The following BCAN variants were observed in gnomAD, a reference collection of about 807,000 sequenced individuals.
The protein encoded by BCAN is brevican.
In BCAN, 51 loss-of-function variants were observed where a neutral mutation model predicts 92.4. The observed-to-expected ratio is 0.55, with a 90% CI of 0.44 to 0.70. The LOEUF (loss-of-function observed/expected upper bound fraction) is 0.70, where lower values mean the gene tolerates loss of function less well. Ranked by LOEUF, BCAN falls within the 30% of genes least tolerant of loss-of-function variation. BCAN has a pLI of 0.00. For synonymous variants in BCAN, 501 were observed against 505.2 expected (o/e 0.99, Z 0.11); for missense variants, 1,140 against 1,212.1 (o/e 0.94, Z 0.88).
rs759819865 is a variant in BCAN, at chr1:156,647,915, T to C, written c.642-68T>C. 3 of 1,603,774 alleles carry C rather than the reference T, an allele frequency of 1.9e-6. No individual in the cohort carries two copies. Among genetic ancestry groups the C allele is most frequent in the East Asian group, 2.2e-5 (1 of 44,706 alleles). On this transcript the variant is annotated intron_variant, in intron 4 of 13. Coordinates refer to ENST00000329117, the MANE Select transcript of BCAN (RefSeq NM_021948.5). The surrounding 1 kb of genome is among the most constrained non-coding windows in gnomAD (Gnocchi z 4.8). ...GCACTGTGGTGGCAGTGGGGTTCAA[T>C]AGAATCAATATGGGCTGGCTCCCTG... is the stretch of plus-strand genomic sequence containing the variant.
chr1:156,659,183 A>C lies in BCAN; in HGVS notation c.*49A>C. On this transcript the variant is annotated 3_prime_UTR_variant, in exon 14 of 14. Coordinates refer to ENST00000329117, the MANE Select transcript of BCAN (RefSeq NM_021948.5). ...GGCCACAGCACTGCCCTGTCACCCA[A>C]ATTTTCCCTCACACCCTGCGCTCCC... 2.1e-6 allele frequency: 3 copies of C among 1,426,908 alleles called. No individual in the cohort carries two copies. The highest frequency in any genetic ancestry group is 2.8e-6 in the Non-Finnish European group (3 of 1,059,496). The allele number at this position is 1,426,908 out of a possible 1,614,324, so 88.4% of individuals were successfully genotyped here. A position where few individuals can be genotyped will look rare whatever the true frequency, so the allele number is the denominator to read the frequency against.
In BCAN at chr1:156,659,482, T is replaced by C; in HGVS notation, c.*348T>C. ...AAGGGAATGGGCTTGCAGGATGGAGTGTCTGTAAAATCAACAGGAAATAAA... is the reference window on the plus strand; with the variant it reads ...AAGGGAATGGGCTTGCAGGATGGAGCGTCTGTAAAATCAACAGGAAATAAA... On this transcript the variant is annotated 3_prime_UTR_variant, in exon 14 of 14. Coordinates refer to ENST00000329117, the MANE Select transcript of BCAN (RefSeq NM_021948.5). The C allele has an allele frequency of 3.7e-6, 1 of 273,054 alleles. No individual in the cohort carries two copies. The highest frequency in any genetic ancestry group is 6.8e-6 in the Non-Finnish European group (1 of 147,336). The allele number at this position is 273,054 out of a possible 1,614,324, so 16.9% of individuals were successfully genotyped here. A position where few individuals can be genotyped will look rare whatever the true frequency, so the allele number is the denominator to read the frequency against.
chr1:156,656,470 A>G, intron 9 of BCAN, 81 bp downstream of exon 9: 1 of 1,152,990 alleles, frequency 8.7e-7, no homozygotes, highest in Non-Finnish European at 1.2e-6. Flanking sequence ...GAGGGAGAAC[A>G]TTGGTTTTGG....
chr1:156,656,441 G>A, intron 9 of BCAN, 52 bp downstream of exon 9: 2 of 1,273,844 alleles, frequency 1.6e-6, no homozygotes, highest in Non-Finnish European at 1.0e-6. Context: ...CTGCCACAAC[G>A]TGCTACTTCT....
chr1:156,656,638 C>T (rs1373116570), intron 9 of BCAN: 2 of 509,068 alleles, frequency 3.9e-6, no homozygotes, highest in Non-Finnish European at 7.0e-6. Flanking sequence ...GTGGTCAATA[C>T]ATGACAGGCT....
chr1:156,656,138 C>G (rs1679315492), intron 8 of BCAN, 144 bp from the exon 9 acceptor site: 1 of 451,454 alleles, frequency 2.2e-6, no homozygotes, highest in Non-Finnish European at 3.8e-6. Flanking sequence ...GAGACAGGCT[C>G]TAGGGAGAAC....
chr1:156,658,354 GA>G lies in BCAN; in HGVS notation c.2437+84del. The G allele has an allele frequency of 6.4e-7, 1 of 1,558,720 alleles. No homozygotes were observed. Among genetic ancestry groups the G allele is most frequent in the Non-Finnish European group, 8.7e-7 (1 of 1,146,814 alleles). On this transcript the variant is annotated intron_variant, in intron 12 of 13. Transcript: ENST00000329117. This position sits in a 1 kb window ranked among gnomAD's most constrained non-coding sequence, Gnocchi z 4.4. The stretch of plus-strand genomic sequence containing the variant: ...AGAGGGACTGATGTTTGTAGACAGA[GA>G]GTGCAAAGCAACATAGAGGAGTCAG...
chr1:156,650,050 C>G, intron 6 of BCAN: 1 of 423,166 alleles, frequency 2.4e-6, no homozygotes, highest in South Asian at 1.8e-5. Context: ...ACATATTTGG[C>G]TGGGGTTGGG....
chr1:156,644,847 C>G (rs1678909541), intron 1 of BCAN: 1 of 152,256 alleles, frequency 6.6e-6, no homozygotes, highest in Admixed American at 6.5e-5. Flanking sequence ...TGCCTGTAGT[C>G]TAACCTTCAA....
At chr1:156,653,168 C>A in intron 8 of BCAN, 9 of 1,389,438 alleles carry the variant, frequency 6.5e-6, no homozygotes, top group Non-Finnish European at 8.4e-6. Context: ...ACCTGTGGCT[C>A]ACATCTCGCC....
chr1:156,647,904 G>A lies in BCAN; in HGVS notation c.642-79G>A. On this transcript the variant is annotated intron_variant, in intron 4 of 13. Transcript: ENST00000329117. This position sits in a 1 kb window ranked among gnomAD's most constrained non-coding sequence, Gnocchi z 4.8. ...AGCAAGTGTCTGCACTGTGGTGGCAGTGGGGTTCAATAGAATCAATATGGG... is the reference window on the plus strand; with the variant it reads ...AGCAAGTGTCTGCACTGTGGTGGCAATGGGGTTCAATAGAATCAATATGGG... 6.3e-7 allele frequency: 1 copy of A among 1,595,172 alleles called. No homozygotes were observed.
Position 156,657,114 on chromosome 1 carries a change from G to GCGGGAGGGGCCC in BCAN, c.2209+20_2209+31dup, listed in dbSNP as rs1679361804. 5.6e-6 allele frequency: 9 copies of GCGGGAGGGGCCC among 1,604,932 alleles called. No homozygotes were observed. The highest frequency in any genetic ancestry group is 7.7e-6 in the Non-Finnish European group (9 of 1,173,412). Reference sequence around the variant, plus strand: ...CATCAACAGTGGGCTGGGAGACAGGGCGGGAGGGGCCCCTGCCATATGCTC... The same window carrying GCGGGAGGGGCCC: ...CATCAACAGTGGGCTGGGAGACAGGGCGGGAGGGGCCCCGGGAGGGGCCCCTGCCATATGCTC... On this transcript the variant is annotated intron_variant, in intron 10 of 13. Coordinates refer to ENST00000329117, the MANE Select transcript of BCAN (RefSeq NM_021948.5).
chr1:156,652,625 C>G lies in BCAN; in HGVS notation c.1675C>G (p.Leu559Val), dbSNP rs1198916516. ...RNLASPSPST[L>V]VEAREVGEAT... Reference sequence around the variant, plus strand: ...CCTAGCATCCCCATCACCTTCCACTCTGGTTGAGGCAAGAGAGGTGGGGGA... The same window carrying G: ...CCTAGCATCCCCATCACCTTCCACTGTGGTTGAGGCAAGAGAGGTGGGGGA... Residue 559 changes from leucine (L) to valine (V), a missense_variant, in exon 8 of 14, where the codon CTG (leucine) becomes GTG (valine). Physicochemically the swap from Leu to Val is conservative, Grantham distance 32. This residue lies in a region of BCAN where 825 missense variants were observed against 871.8 expected (regional missense o/e 0.95). Transcript: ENST00000329117. 4 of 1,613,858 alleles carry G rather than the reference C, an allele frequency of 2.5e-6. No individual in the cohort carries two copies. The highest frequency in any genetic ancestry group is 4.5e-5 in the East Asian group (2 of 44,902).
In BCAN at chr1:156,646,035, T is replaced by A; in HGVS notation, c.-8-12T>A. The stretch of plus-strand genomic sequence containing the variant: ...TCTAACCCCATCTTTCCTTCTCATG[T>A]CCCTCTGTCAGCCTGCAGCATGGCC... On this transcript the variant is annotated splice_polypyrimidine_tract_variant and intron_variant, in intron 1 of 13. Coordinates refer to ENST00000329117, the MANE Select transcript of BCAN (RefSeq NM_021948.5). The A allele has an allele frequency of 6.2e-7, 1 of 1,605,612 alleles. No homozygotes were observed. The highest frequency in any genetic ancestry group is 8.5e-7 in the Non-Finnish European group (1 of 1,173,468).
At chr1:156,651,829 C>G in intron 7 of BCAN, 140 bp downstream of exon 7, 2 of 756,274 alleles carry the variant, frequency 2.6e-6, no homozygotes, top group East Asian at 5.3e-5. Context: ...TGCAGGGCAC[C>G]TTTCCTGTCC....
chr1:156,657,303 G>C, intron 10 of BCAN: 1 of 777,442 alleles, frequency 1.3e-6, no homozygotes, highest in Non-Finnish European at 2.0e-6. Context: ...GGAGAGTGGA[G>C]GTTCGCGCAG....
Position 156,647,864 on chromosome 1 carries a change from G to A in BCAN, c.642-119G>A. On this transcript the variant is annotated intron_variant, in intron 4 of 13. Coordinates refer to ENST00000329117, the MANE Select transcript of BCAN (RefSeq NM_021948.5). This position sits in a 1 kb window ranked among gnomAD's most constrained non-coding sequence, Gnocchi z 4.8. Reference sequence around the variant, plus strand: ...CATGTGCATCCCTGCAGTGCTAGAAGGACAGCCAGCTGTCAGCAAGTGTCT... The same window carrying A: ...CATGTGCATCCCTGCAGTGCTAGAAAGACAGCCAGCTGTCAGCAAGTGTCT... The A allele has an allele frequency of 6.4e-7, 1 of 1,552,350 alleles. No individual in the cohort carries two copies. The highest frequency in any genetic ancestry group is 1.1e-5 in the South Asian group (1 of 89,200).
intron 9 of BCAN, 124 bp from the exon 10 acceptor site, chr1:156,656,814 G>T (rs1679345839): frequency 1.5e-6 from 2 of 1,339,918 alleles, no homozygotes; most frequent in Non-Finnish European, 2.0e-6. Flanking sequence ...CTTTTGCACC[G>T]CCCTCCTGTC....
Position 156,651,623 on chromosome 1 carries a change from A to C in BCAN, c.1231A>C (p.Met411Leu). Residue 411 changes from methionine (M) to leucine (L), a missense_variant, in exon 7 of 14, where the codon ATG becomes CTG. By Grantham distance (15) the Met-to-Leu change is conservative. This residue lies in a region of BCAN where 825 missense variants were observed against 871.8 expected (regional missense o/e 0.95). Coordinates refer to ENST00000329117, the MANE Select transcript of BCAN (RefSeq NM_021948.5). ...TGGGGCCATCTACTCCATCCCCATC[A>C]TGGAGGACGGAGGAGGTGGAAGCTC... ...SRGAIYSIPI[M>L]EDGGGGSSTP... 2 of 1,613,850 alleles carry C rather than the reference A, an allele frequency of 1.2e-6. No individual in the cohort carries two copies. The highest frequency in any genetic ancestry group is 1.6e-4 in the Middle Eastern group (1 of 6,062).
Sources: allele counts gnomAD v4.1 joint callset, GRCh38; gene constraint gnomAD v4.1.1; regional missense constraint gnomAD v4.1.1; non-coding constraint Gnocchi (gnomAD v3.1); transcripts MANE v1.5; gene names NCBI Gene and HGNC (gene_info 2026-07-23, HGNC 2026-07-21).